HEMK2: variants seen among roughly 807,000 people sequenced by gnomAD.
HEMK2 encodes the protein methyltransferase HEMK2.
At chr21:28,621,572 C>T in the HEMK2 span, among the ~76,000 whole-genome samples, 1 of 152,038 alleles carries the variant, frequency 6.6e-6, no homozygotes, top group Non-Finnish European at 1.5e-5. Flanking sequence ...AAAAAGGAGT[C>T]AGCAAAGGGT....
the HEMK2 span, among the ~76,000 whole-genome samples, chr21:28,739,317 T>C: frequency 0.23 from 34,799 of 152,122 alleles, 4,617 homozygotes; most frequent in African/African-American, 0.35. Context: ...TCAGTTATTA[T>C]AGTAAGGATT....
the HEMK2 span, among the ~76,000 whole-genome samples, chr21:28,736,125 T>G: frequency 2.0e-5 from 3 of 152,218 alleles, no homozygotes; most frequent in African/African-American, 7.2e-5. Flanking sequence ...TGCAATCTAC[T>G]ACAGACAGGA....
At chr21:28,660,694 GA>G in the HEMK2 span, among the ~76,000 whole-genome samples, 1 of 152,026 alleles carries the variant, frequency 6.6e-6, no homozygotes, top group East Asian at 1.9e-4. Flanking sequence ...TAATATGTGA[GA>G]TTGTCCTGTA....
At chr21:28,649,306 GA>G in the HEMK2 span, among the ~76,000 whole-genome samples, 4 of 152,132 alleles carry the variant, frequency 2.6e-5, no homozygotes, top group Admixed American at 2.0e-4. Context: ...CATCTAGAAG[GA>G]AAGAATGAGG....
At chr21:28,788,032 A>C in the HEMK2 span, among the ~76,000 whole-genome samples, 8 of 151,976 alleles carry the variant, frequency 5.3e-5, no homozygotes, top group Admixed American at 4.6e-4. Flanking sequence ...TTCAAACTAG[A>C]CTATAAGGCC....
At chr21:28,752,955 T>C in the HEMK2 span, among the ~76,000 whole-genome samples, 1 of 152,182 alleles carries the variant, frequency 6.6e-6, no homozygotes, top group Admixed American at 6.5e-5. Flanking sequence ...CCATTCGTGC[T>C]TGGCATCATG....
At chr21:28,839,000 TAC>T in the HEMK2 span, among the ~76,000 whole-genome samples, 9,417 of 56,784 alleles carry the variant, frequency 0.17, 1,270 homozygotes, top group African/African-American at 0.36. Context: ...TATATATATA[TAC>T]ATATATATAC....
the HEMK2 span, among the ~76,000 whole-genome samples, chr21:28,862,645 CAA>C: frequency 4.0e-5 from 4 of 100,526 alleles, no homozygotes; most frequent in Admixed American, 9.6e-5. Context: ...GACTCCGTCT[CAA>C]AAAAAAAAAA....
the HEMK2 span, among the ~76,000 whole-genome samples, chr21:28,641,747 A>G: frequency 6.6e-6 from 1 of 152,230 alleles, no homozygotes; most frequent in Non-Finnish European, 1.5e-5. Context: ...CAGAGATACA[A>G]ATTATACAAT....
the HEMK2 span, among the ~76,000 whole-genome samples, chr21:28,625,958 C>A: frequency 1.3e-5 from 2 of 152,028 alleles, no homozygotes; most frequent in Non-Finnish European, 2.9e-5. Context: ...AATTTGTCAG[C>A]ATCAATCTGC....
chr21:28,587,512 A>G, the HEMK2 span, among the ~76,000 whole-genome samples: 1 of 152,220 alleles, frequency 6.6e-6, no homozygotes, highest in African/African-American at 2.4e-5. Flanking sequence ...GCAACCTAAA[A>G]AACTAATTTA....
At chr21:28,769,992 G>T in the HEMK2 span, among the ~76,000 whole-genome samples, 1 of 152,120 alleles carries the variant, frequency 6.6e-6, no homozygotes, top group African/African-American at 2.4e-5. Flanking sequence ...TCATCAGCCA[G>T]CACCCTCAGC....
At chr21:28,650,624 C>G in the HEMK2 span, among the ~76,000 whole-genome samples, 1 of 152,078 alleles carries the variant, frequency 6.6e-6, no homozygotes. Flanking sequence ...TCTTGGGGAG[C>G]AACTGTGTGA....
chr21:28,690,028 T>C, the HEMK2 span, among the ~76,000 whole-genome samples: 17 of 152,154 alleles, frequency 1.1e-4, no homozygotes, highest in Non-Finnish European at 2.4e-4. Flanking sequence ...CTGACAATCA[T>C]GGCAGAAGGC....
the HEMK2 span, among the ~76,000 whole-genome samples, chr21:28,731,209 T>C: frequency 6.6e-6 from 1 of 152,196 alleles, no homozygotes; most frequent in African/African-American, 2.4e-5. Flanking sequence ...AACCCGCTAA[T>C]TCTCACAATA....
the HEMK2 span, among the ~76,000 whole-genome samples, chr21:28,694,329 A>C: frequency 6.6e-6 from 1 of 152,224 alleles, no homozygotes; most frequent in African/African-American, 2.4e-5. Context: ...TGCAATATCT[A>C]TATAACTAAC....
the HEMK2 span, among the ~76,000 whole-genome samples, chr21:28,793,513 G>A: frequency 3.3e-5 from 5 of 152,316 alleles, no homozygotes; most frequent in African/African-American, 1.2e-4. Context: ...GAGGTTGTGT[G>A]ACTGATAAAA....
chr21:28,828,262 T>C, the HEMK2 span, among the ~76,000 whole-genome samples: 5 of 152,038 alleles, frequency 3.3e-5, no homozygotes, highest in Non-Finnish European at 7.4e-5. Context: ...CGTGACACAG[T>C]AAGTAAGGAG....
At chr21:28,879,432 G>A in the HEMK2 span, among the ~76,000 whole-genome samples, 1 of 152,162 alleles carries the variant, frequency 6.6e-6, no homozygotes, top group East Asian at 1.9e-4. Flanking sequence ...AGTAGAGATG[G>A]GGTTTCACCA....
Sources: allele counts gnomAD v4.1 joint callset (sites outside exome capture counted in the v4.1 genomes callset), GRCh38; gene constraint gnomAD v4.1.1; transcripts MANE v1.5; gene names NCBI Gene and HGNC (gene_info 2026-07-23, HGNC 2026-07-21).